Variants in EXOC4 observed in about 807,000 individuals in gnomAD.
EXOC4 encodes exocyst complex component 4.
In EXOC4, 71 loss-of-function variants were observed where a neutral mutation model predicts 107.2. That is an observed-to-expected ratio of 0.66 (90% CI 0.55 to 0.81). The LOEUF (loss-of-function observed/expected upper bound fraction) is 0.81. EXOC4 is among the 30% of genes least tolerant of loss of function. The pLI, the probability that EXOC4 is intolerant of heterozygous loss-of-function variation, is 0.00. For synonymous variants in EXOC4, 456 were observed against 441.2 expected, an observed-to-expected ratio of 1.03 and a Z score of -0.42; for missense variants, 1,108 against 1,189.6, an observed-to-expected ratio of 0.93 and a Z score of 1.01.
At chr7:133,391,830 G>A (rs1796859724) in intron 7 of EXOC4, among the ~76,000 whole-genome samples, 1 of 152,150 alleles carries the variant, frequency 6.6e-6, no homozygotes, top group Non-Finnish European at 1.5e-5. Flanking sequence ...AACATTGGCA[G>A]TGCTTGCTAT....
intron 13 of EXOC4, among the ~76,000 whole-genome samples, chr7:133,925,757 A>C (rs1800035916): frequency 6.6e-6 from 1 of 152,118 alleles, no homozygotes; most frequent in South Asian, 2.1e-4. Flanking sequence ...AAAGATGCAC[A>C]ATAAAGAATT....
At position 133,349,006 on chromosome 7, in the gene EXOC4, G is replaced by C. The variant is rs190596147; in HGVS notation, c.764-7324G>C. Among the ~76,000 whole-genome samples the C allele has an allele frequency of 4.0e-4, 61 of 152,176 alleles. 1 individual carries two copies. In the East Asian group the frequency reaches 0.011, roughly 28 times the overall value. On this transcript the variant is annotated intron_variant, in intron 5 of 17. Transcript: ENST00000253861. ...CCTCTTTCTACTCATGGATTTCAGG[G>C]ATCTAATGAGCTTAGTAAGATTTGC...
chr7:133,913,828 GAAGAT>G (rs1490867075), intron 12 of EXOC4, among the ~76,000 whole-genome samples: 1 of 152,164 alleles, frequency 6.6e-6, no homozygotes, highest in Non-Finnish European at 1.5e-5. Flanking sequence ...AGCTGTGCAA[GAAGAT>G]GAGACTGCCC....
At chr7:133,581,631 G>A (rs983037923) in intron 9 of EXOC4, among the ~76,000 whole-genome samples, 4 of 151,336 alleles carry the variant, frequency 2.6e-5, no homozygotes, top group South Asian at 2.1e-4. Flanking sequence ...GGTGGTGGGC[G>A]CCTGTAATCC....
Position 133,263,286 on chromosome 7 carries a change from TAA to T in EXOC4, c.86+10102_86+10103del, listed in dbSNP as rs1456115275. Among the ~76,000 whole-genome samples the T allele has an allele frequency of 2.6e-5, 4 of 151,934 alleles. No individual in the cohort carries two copies. The South Asian group carries it at 6.2e-4, about 24-fold the overall frequency. ...ATATGTACAAATATTTTGCATTAAT[TAA>T]AAGAGATACAAGAAGCCAATTGTAA... On this transcript the variant is annotated intron_variant, in intron 1 of 17. Coordinates refer to ENST00000253861, the MANE Select transcript of EXOC4 (RefSeq NM_021807.4).
chr7:134,049,802 T>C (rs1037059756), intron 17 of EXOC4, among the ~76,000 whole-genome samples: 5 of 152,232 alleles, frequency 3.3e-5, no homozygotes, highest in African/African-American at 9.6e-5. Context: ...TGCTGAAATA[T>C]TTGTTGAGCA....
At chr7:134,092,922 C>CAAAA in the EXOC4 span, among the ~76,000 whole-genome samples, 1 of 80,472 alleles carries the variant, frequency 1.2e-5, no homozygotes, top group Non-Finnish European at 2.5e-5. Flanking sequence ...GACTCCATCT[C>CAAAA]AAAAAAAAAA....
chr7:133,502,560 T>C (rs541127826), intron 9 of EXOC4, among the ~76,000 whole-genome samples: 1 of 152,200 alleles, frequency 6.6e-6, no homozygotes, highest in African/African-American at 2.4e-5. Flanking sequence ...CTTCTTTTCA[T>C]TGGTGTTTTT....
intron 14 of EXOC4, among the ~76,000 whole-genome samples, chr7:133,945,495 T>C (rs1404797052): frequency 6.6e-6 from 1 of 152,186 alleles, no homozygotes; most frequent in African/African-American, 2.4e-5. Context: ...ACCACAGCCT[T>C]GCTTAGCAGT....
chr7:134,008,912 T>A (rs1167317919), intron 17 of EXOC4, among the ~76,000 whole-genome samples: 1 of 152,180 alleles, frequency 6.6e-6, no homozygotes, highest in African/African-American at 2.4e-5. Flanking sequence ...ATTATAGGCA[T>A]AAGTCACTGC....
At chr7:133,425,487 A>G (rs555805664) in intron 7 of EXOC4, among the ~76,000 whole-genome samples, 4 of 152,180 alleles carry the variant, frequency 2.6e-5, no homozygotes, top group African/African-American at 7.2e-5. Context: ...GGGTATCACC[A>G]TGTTGCCCAG....
chr7:133,259,032 AGAC>A (rs1457039145), intron 1 of EXOC4, among the ~76,000 whole-genome samples: 1 of 152,180 alleles, frequency 6.6e-6, no homozygotes, highest in Non-Finnish European at 1.5e-5. Flanking sequence ...AAATTTGTAA[AGAC>A]GAGTCATAGG....
At chr7:133,328,380 C>T (rs1388900082) in intron 5 of EXOC4, among the ~76,000 whole-genome samples, 1 of 152,074 alleles carries the variant, frequency 6.6e-6, no homozygotes, top group Non-Finnish European at 1.5e-5. Context: ...ACTTTTTATC[C>T]AATTTGCCAG....
At chr7:133,399,663 C>G (rs553136895) in intron 7 of EXOC4, among the ~76,000 whole-genome samples, 2 of 152,336 alleles carry the variant, frequency 1.3e-5, no homozygotes, top group African/African-American at 4.8e-5. Flanking sequence ...ACAAGATATA[C>G]TGTTGGACAT....
chr7:133,321,884 T>A (rs1419686692), intron 5 of EXOC4, among the ~76,000 whole-genome samples: 2 of 152,348 alleles, frequency 1.3e-5, no homozygotes, highest in East Asian at 3.9e-4. Context: ...CTCCAGCATC[T>A]GTCGTTTCCT....
At chr7:133,677,351 TC>T (rs1794086349) in intron 10 of EXOC4, among the ~76,000 whole-genome samples, 1 of 152,162 alleles carries the variant, frequency 6.6e-6, no homozygotes, top group African/African-American at 2.4e-5. Flanking sequence ...CTTGATTTGT[TC>T]CATGATTTCA....
chr7:134,083,444 A>C, the EXOC4 span, among the ~76,000 whole-genome samples: 1 of 152,178 alleles, frequency 6.6e-6, no homozygotes, highest in Non-Finnish European at 1.5e-5. Flanking sequence ...ATTCTATCTC[A>C]TGATACCATG....
intron 10 of EXOC4, among the ~76,000 whole-genome samples, chr7:133,801,100 C>T (rs1467095253): frequency 1.3e-5 from 2 of 152,132 alleles, no homozygotes; most frequent in Non-Finnish European, 1.5e-5. Flanking sequence ...GTTAGTATCT[C>T]ATTCTGTCAC....
chr7:133,847,923 T>C (rs1030712207), intron 11 of EXOC4, among the ~76,000 whole-genome samples: 1 of 138,248 alleles, frequency 7.2e-6, no homozygotes, highest in African/African-American at 2.8e-5. Context: ...AGAGACACAG[T>C]TTCACCATGT....
Sources: allele counts gnomAD v4.1 joint callset (sites outside exome capture counted in the v4.1 genomes callset), GRCh38; gene constraint gnomAD v4.1.1; transcripts MANE v1.5; gene names NCBI Gene and HGNC (gene_info 2026-07-23, HGNC 2026-07-21).